Variants in HMGA2 observed in about 807,000 individuals in gnomAD.
HMGA2 encodes high mobility group protein HMGI-C.
HMGA2 carries 8 observed loss-of-function variants against 19.1 expected under a neutral mutation model. That is an observed-to-expected ratio of 0.42 (90% CI 0.25 to 0.76). The LOEUF (loss-of-function observed/expected upper bound fraction) is 0.76, where lower values mean the gene tolerates loss of function less well. Ranked by LOEUF, HMGA2 falls within the 30% of genes least tolerant of loss-of-function variation. The probability of loss-of-function intolerance (pLI) is 0.28; values close to 1 mark genes in which losing one functional copy is unlikely to be tolerated. For synonymous variants in HMGA2, 60 were observed against 48.8 expected (o/e 1.23, Z -0.96); for missense variants, 109 against 136.3 (o/e 0.80, Z 1.00).
chr12:65,835,486 A>G (rs1051523724), intron 2 of HMGA2, among the ~76,000 whole-genome samples: 1 of 152,244 alleles, frequency 6.6e-6, no homozygotes, highest in African/African-American at 2.4e-5. Flanking sequence ...TTCAGTTTAC[A>G]TGTAACACTG....
rs1876024780 is a variant in HMGA2, at chr12:65,939,775, A to G, written c.250-11608A>G. 1.3e-5 allele frequency among the ~76,000 whole-genome samples: 2 copies of G among 152,246 alleles called. 1 individual carries two copies. The highest frequency in any genetic ancestry group is 2.9e-5 in the Non-Finnish European group (2 of 68,038). On this transcript the variant is annotated intron_variant, in intron 3 of 4. Transcript: ENST00000403681. ...AAATGAACACATGCACGGGAGCACC[A>G]GCCAGGGAACACAGAGACCATACTG...
intron 2 of HMGA2, among the ~76,000 whole-genome samples, chr12:65,829,887 T>C (rs924595520): frequency 2.6e-5 from 4 of 151,982 alleles, no homozygotes; most frequent in Non-Finnish European, 5.9e-5. Context: ...TAAGGGTTGA[T>C]TTATTTTTAG....
intron 3 of HMGA2, among the ~76,000 whole-genome samples, chr12:65,897,652 A>C (rs74234986): frequency 0.086 from 13,072 of 152,230 alleles, 894 homozygotes; most frequent in African/African-American, 0.19. Context: ...AGCAATGCTT[A>C]TTATTTGTCC....
At chr12:65,889,820 T>C (rs17179453) in intron 3 of HMGA2, among the ~76,000 whole-genome samples, 11,533 of 152,234 alleles carry the variant, frequency 0.076, 474 homozygotes, top group Middle Eastern at 0.17. Flanking sequence ...TAGGACTCAA[T>C]AGCTGATGAA....
intron 3 of HMGA2, among the ~76,000 whole-genome samples, chr12:65,901,992 A>G (rs150423419): frequency 6.8e-4 from 103 of 152,316 alleles, no homozygotes; most frequent in African/African-American, 2.4e-3. Flanking sequence ...TATAATAAAA[A>G]TGGATGGTGT....
intron 3 of HMGA2, among the ~76,000 whole-genome samples, chr12:65,912,851 A>G (rs1874904339): frequency 6.6e-6 from 1 of 152,224 alleles, no homozygotes. Flanking sequence ...CAAATGGGGC[A>G]TTTTAGTTTC....
intron 3 of HMGA2, among the ~76,000 whole-genome samples, chr12:65,942,319 A>T (rs1287661722): frequency 2.0e-5 from 3 of 152,200 alleles, no homozygotes; most frequent in Non-Finnish European, 4.4e-5. Flanking sequence ...GCACATGTGC[A>T]TATGCAAAGT....
chr12:65,854,129 G>A (rs1592388446), intron 3 of HMGA2, among the ~76,000 whole-genome samples: 1 of 152,158 alleles, frequency 6.6e-6, no homozygotes, highest in South Asian at 2.1e-4. Context: ...TTCCACCTAC[G>A]TTGTTTGTTA....
chr12:65,948,572 A>C (rs968678479), intron 3 of HMGA2: 14 of 152,256 alleles, frequency 9.2e-5, no homozygotes, highest in African/African-American at 3.4e-4. Flanking sequence ...CAAAATAACA[A>C]CAACAAAAAC....
At chr12:65,837,034 C>A (rs891099155) in intron 2 of HMGA2, among the ~76,000 whole-genome samples, 1 of 152,100 alleles carries the variant, frequency 6.6e-6, no homozygotes, top group African/African-American at 2.4e-5. Flanking sequence ...TGACCTTGAG[C>A]CAGTTGTATA....
chr12:65,958,250 A>G (rs1229292186), intron 4 of HMGA2: 1 of 152,224 alleles, frequency 6.6e-6, no homozygotes, highest in Non-Finnish European at 1.5e-5. Context: ...CTATGTTTTT[A>G]TATACATAAT....
At chr12:65,847,752 G>A (rs971575637) in intron 3 of HMGA2, among the ~76,000 whole-genome samples, 3 of 152,280 alleles carry the variant, frequency 2.0e-5, no homozygotes, top group African/African-American at 7.2e-5. Flanking sequence ...TTCAGCATGT[G>A]TCAAGCTCTC....
intron 3 of HMGA2, among the ~76,000 whole-genome samples, chr12:65,903,053 A>G (rs1412140120): frequency 6.6e-6 from 1 of 152,102 alleles, no homozygotes; most frequent in Non-Finnish European, 1.5e-5. Flanking sequence ...ATGTTGCCCT[A>G]GTTTGTTTGT....
intron 4 of HMGA2, among the ~76,000 whole-genome samples, chr12:65,961,875 T>C (rs1876762646): frequency 6.6e-6 from 1 of 152,108 alleles, no homozygotes; most frequent in Non-Finnish European, 1.5e-5. Context: ...AGGAGCCCCT[T>C]CACAGCTGAA....
chr12:65,842,797 A>G, intron 3 of HMGA2: 1 of 1,376,360 alleles, frequency 7.3e-7, no homozygotes, highest in Non-Finnish European at 9.4e-7. Context: ...GCATTTTTCT[A>G]TTCTTGCCTA....
Position 65,965,581 on chromosome 12 carries a change from A to C in HMGA2, c.*2289A>C, listed in dbSNP as rs1876885128. On this transcript the variant is annotated 3_prime_UTR_variant, in exon 5 of 5. Transcript: ENST00000403681. ...AATCACCAAAGGAGCTATGGAGAGA[A>C]TTAAAACTCAACATTACTGTTAACT... 1.4e-5 allele frequency: 3 copies of C among 213,580 alleles called. No individual in the cohort carries two copies. In the South Asian group the frequency reaches 5.6e-4, roughly 40 times the overall value. 13.2% of individuals were successfully genotyped at this position (213,580 alleles called of 1,614,324 possible).
At chr12:65,929,114 T>C (rs1353701772) in intron 3 of HMGA2, among the ~76,000 whole-genome samples, 1 of 152,216 alleles carries the variant, frequency 6.6e-6, no homozygotes, top group African/African-American at 2.4e-5. Flanking sequence ...GTTTGGATAC[T>C]GTGCAGACAA....
intron 2 of HMGA2, 87 bp from the exon 3 acceptor site, chr12:65,838,432 C>A: frequency 4.2e-6 from 4 of 956,762 alleles, no homozygotes; most frequent in South Asian, 1.5e-5. Flanking sequence ...CAAAGCAGAA[C>A]ATTCTTACTT....
At chr12:65,915,308 C>T in intron 3 of HMGA2, 3 of 1,421,386 alleles carry the variant, frequency 2.1e-6, no homozygotes, top group Non-Finnish European at 2.8e-6. Context: ...AAGTCTGCAT[C>T]CCAAGATGTA....
Sources: allele counts gnomAD v4.1 joint callset (sites outside exome capture counted in the v4.1 genomes callset), GRCh38; gene constraint gnomAD v4.1.1; transcripts MANE v1.5; gene names NCBI Gene and HGNC (gene_info 2026-07-23, HGNC 2026-07-21).